PSD3: variants seen among roughly 807,000 people sequenced by gnomAD.
PSD3 encodes the protein PH and SEC7 domain-containing protein 3.
PSD3 carries 49 observed loss-of-function variants against 105.5 expected under a neutral mutation model. That is an observed-to-expected ratio of 0.46 (90% confidence interval 0.37 to 0.59). PSD3 has a LOEUF of 0.59. PSD3 is among the 20% of genes least tolerant of loss of function. The probability of loss-of-function intolerance (pLI) is 0.00; values close to 1 mark genes in which losing one functional copy is unlikely to be tolerated. For missense variants in PSD3, 1,561 were observed against 1,263.8 expected (o/e 1.24, Z -3.57); for synonymous variants, 557 against 457.8 (o/e 1.22, Z -2.77).
intron 1 of PSD3, among the ~76,000 whole-genome samples, chr8:19,064,798 A>T (rs1234681177): frequency 6.6e-6 from 1 of 151,204 alleles, no homozygotes; most frequent in African/African-American, 2.4e-5. Flanking sequence ...CAAACATGAA[A>T]TGCCAGGAAT....
intron 9 of PSD3, among the ~76,000 whole-genome samples, chr8:18,694,124 C>G (rs949909586): frequency 1.3e-5 from 2 of 152,206 alleles, no homozygotes; most frequent in Non-Finnish European, 2.9e-5. Flanking sequence ...TAAGAAGACA[C>G]TGGTACCTAC....
chr8:18,561,023 G>A (rs908443287), intron 14 of PSD3, among the ~76,000 whole-genome samples: 1 of 152,154 alleles, frequency 6.6e-6, no homozygotes, highest in South Asian at 2.1e-4. Flanking sequence ...CTGGAAAACT[G>A]TAAGAAGGCT....
chr8:18,556,949 C>T (rs1801115725), intron 14 of PSD3, among the ~76,000 whole-genome samples: 1 of 152,190 alleles, frequency 6.6e-6, no homozygotes, highest in Non-Finnish European at 1.5e-5. Context: ...TGGCCCAAAG[C>T]AACCCGTCAA....
chr8:18,533,673 C>T lies in PSD3; in HGVS notation c.*2070G>A, dbSNP rs908994313. 1 of 152,168 alleles carries T rather than the reference C, an allele frequency of 6.6e-6. No homozygotes were observed. Among genetic ancestry groups the T allele is most frequent in the African/African-American group, 2.4e-5 (1 of 41,438 alleles). The allele number at this position is 152,168 out of a possible 1,614,324, so 9.4% of individuals were successfully genotyped here. A position where few individuals can be genotyped will look rare whatever the true frequency, so the allele number is the denominator to read the frequency against. On this transcript the variant is annotated 3_prime_UTR_variant, in exon 16 of 16. Transcript: ENST00000327040. ...TTTAGTTACTGAAGCTTGTAGATGA[C>T]ATGGTCTAGGTACCTCTCTCCCCTC...
chr8:18,709,101 C>A (rs1802080275), intron 9 of PSD3, among the ~76,000 whole-genome samples: 1 of 152,122 alleles, frequency 6.6e-6, no homozygotes, highest in South Asian at 2.1e-4. Flanking sequence ...CTAAGATGAC[C>A]AAGTTCTTGG....
intron 1 of PSD3, among the ~76,000 whole-genome samples, chr8:19,079,298 GC>G (rs1336226589): frequency 1.1e-4 from 16 of 152,098 alleles, no homozygotes; most frequent in Admixed American, 9.2e-4. Flanking sequence ...CTAAAGATAA[GC>G]TTTTCAATCC....
chr8:18,661,662 G>A (rs1809358273), intron 9 of PSD3, among the ~76,000 whole-genome samples: 1 of 152,262 alleles, frequency 6.6e-6, no homozygotes, highest in East Asian at 1.9e-4. Context: ...ACCTTGCGAT[G>A]TACCAAATAA....
intron 12 of PSD3, among the ~76,000 whole-genome samples, chr8:18,577,955 C>A (rs774668421): frequency 9.2e-5 from 14 of 151,868 alleles, no homozygotes; most frequent in Non-Finnish European, 1.3e-4. Flanking sequence ...AGGTGGTATA[C>A]TGTTTTATTC....
intron 9 of PSD3, among the ~76,000 whole-genome samples, chr8:18,764,190 G>C (rs1209988738): frequency 6.6e-6 from 1 of 152,108 alleles, no homozygotes; most frequent in African/African-American, 2.4e-5. Context: ...GACATAAGTT[G>C]ATAAAAGCCT....
intron 2 of PSD3, among the ~76,000 whole-genome samples, chr8:18,885,631 C>T (rs1337059720): frequency 6.6e-6 from 1 of 152,148 alleles, no homozygotes; most frequent in Non-Finnish European, 1.5e-5. Context: ...GTAGCAGACT[C>T]AGGACTCAGC....
chr8:19,075,417 T>C (rs1829435388), intron 1 of PSD3, among the ~76,000 whole-genome samples: 1 of 152,248 alleles, frequency 6.6e-6, no homozygotes, highest in South Asian at 2.1e-4. Flanking sequence ...AACCTTTATC[T>C]TAATTTTCAG....
chr8:19,068,559 G>A (rs1467422580), intron 1 of PSD3, among the ~76,000 whole-genome samples: 1 of 152,142 alleles, frequency 6.6e-6, no homozygotes, highest in Non-Finnish European at 1.5e-5. Flanking sequence ...CCAAGGTGCT[G>A]GGATTACATG....
At chr8:18,850,271 C>G (rs1815455222) in intron 4 of PSD3, among the ~76,000 whole-genome samples, 1 of 152,244 alleles carries the variant, frequency 6.6e-6, no homozygotes, top group Non-Finnish European at 1.5e-5. Flanking sequence ...TATTCATTCT[C>G]CATGTCTTCT....
At chr8:18,663,016 G>A (rs537979909) in intron 9 of PSD3, among the ~76,000 whole-genome samples, 27 of 152,266 alleles carry the variant, frequency 1.8e-4, no homozygotes, top group African/African-American at 6.3e-4. Flanking sequence ...AGCTACAACA[G>A]TTTGAACCAC....
chr8:18,568,890 T>C (rs939823764), intron 14 of PSD3, among the ~76,000 whole-genome samples: 8 of 149,594 alleles, frequency 5.3e-5, no homozygotes, highest in African/African-American at 2.0e-4. Context: ...CAGAGGGTGA[T>C]ATTCCCCTTC....
At chr8:18,537,753 C>G (rs112800451) in intron 15 of PSD3, among the ~76,000 whole-genome samples, 4,795 of 152,024 alleles carry the variant, frequency 0.032, 149 homozygotes, top group African/African-American at 0.08. Flanking sequence ...CTCAGCTCAC[C>G]GCAACCTCCA....
chr8:18,736,424 TATC>T (rs938140751), intron 9 of PSD3, among the ~76,000 whole-genome samples: 3 of 152,234 alleles, frequency 2.0e-5, no homozygotes, highest in African/African-American at 4.8e-5. Context: ...CTGGGAATTT[TATC>T]ATCAACTGTG....
At chr8:18,777,929 C>T (rs765788188) in intron 8 of PSD3, among the ~76,000 whole-genome samples, 1 of 152,096 alleles carries the variant, frequency 6.6e-6, no homozygotes, top group Non-Finnish European at 1.5e-5. Flanking sequence ...TTACTTCACT[C>T]AATATAATGA....
intron 9 of PSD3, among the ~76,000 whole-genome samples, chr8:18,657,755 G>A (rs1022252983): frequency 2.6e-5 from 4 of 152,164 alleles, no homozygotes; most frequent in African/African-American, 7.2e-5. Context: ...GAACCCACAA[G>A]TAACAGTGGG....
Sources: allele counts gnomAD v4.1 joint callset (sites outside exome capture counted in the v4.1 genomes callset), GRCh38; gene constraint gnomAD v4.1.1; transcripts MANE v1.5; gene names NCBI Gene and HGNC (gene_info 2026-07-23, HGNC 2026-07-21).